The following SLC4A10 variants were observed in gnomAD, a reference collection of about 807,000 sequenced individuals.
SLC4A10 encodes solute carrier family 4 member 10, also known as sodium-driven chloride bicarbonate exchanger.
In SLC4A10, 42 loss-of-function variants were observed where a neutral mutation model predicts 137.7. The observed-to-expected ratio is 0.30, with a 90% CI of 0.24 to 0.39. SLC4A10 has a LOEUF of 0.39. Among genes scored for constraint, SLC4A10 ranks in the 10% least tolerant of loss-of-function variants. The pLI, the probability that SLC4A10 is intolerant of heterozygous loss-of-function variation, is 1.00. For missense variants in SLC4A10, 925 were observed against 1,355.0 expected (o/e 0.68, Z 4.98); for synonymous variants, 474 against 464.1 (o/e 1.02, Z -0.27).
intron 1 of SLC4A10, among the ~76,000 whole-genome samples, chr2:161,736,123 T>C (rs2047316433): frequency 6.6e-6 from 1 of 152,120 alleles, no homozygotes; most frequent in Non-Finnish European, 1.5e-5. Context: ...ATTAATTGGC[T>C]TTTAAATATA....
intron 1 of SLC4A10, among the ~76,000 whole-genome samples, chr2:161,636,954 C>G (rs1438684865): frequency 6.7e-6 from 1 of 150,294 alleles, no homozygotes; most frequent in Non-Finnish European, 1.5e-5. Flanking sequence ...TAGCCTCAGG[C>G]AATCCTCCTG....
chr2:161,976,784 A>G lies in SLC4A10; in HGVS notation c.3252A>G (p.Ile1084Met). Residue 1084 changes from isoleucine to methionine, a missense_variant, in exon 25 of 27, where the codon ATA (isoleucine) becomes ATG (methionine). By Grantham distance (10) the Ile-to-Met change is conservative. Around this residue, in one of 11 missense-constraint regions of SLC4A10, gnomAD observed 84 missense variants for 76.9 expected, o/e 1.09. Coordinates refer to ENST00000446997, the MANE Select transcript of SLC4A10 (RefSeq NM_001178015.2). ...HYRDDPSVINISDEMSKTALW... is the reference protein window; with the variant it reads ...HYRDDPSVINMSDEMSKTALW... Reference sequence around the variant, plus strand: ...GAGATGATCCATCTGTGATCAATATATCTGATGAAATGTCAAAGACTGCCT... The same window carrying G: ...GAGATGATCCATCTGTGATCAATATGTCTGATGAAATGTCAAAGACTGCCT... The G allele has an allele frequency of 6.3e-7, 1 of 1,596,572 alleles. No individual in the cohort carries two copies. The highest frequency in any genetic ancestry group is 8.5e-7 in the Non-Finnish European group (1 of 1,170,662).
At chr2:161,747,826 G>A (rs2048539305) in intron 1 of SLC4A10, among the ~76,000 whole-genome samples, 1 of 152,126 alleles carries the variant, frequency 6.6e-6, no homozygotes, top group African/African-American at 2.4e-5. Flanking sequence ...AGGGATTGAT[G>A]GATCATATGG....
At chr2:161,689,796 AG>A (rs1170857476) in intron 1 of SLC4A10, among the ~76,000 whole-genome samples, 2 of 152,184 alleles carry the variant, frequency 1.3e-5, no homozygotes, top group African/African-American at 2.4e-5. Flanking sequence ...TAAGCACAGC[AG>A]GCTCTTGGCA....
At chr2:161,851,722 G>C (rs1366859563) in intron 4 of SLC4A10, among the ~76,000 whole-genome samples, 1 of 152,056 alleles carries the variant, frequency 6.6e-6, no homozygotes, top group East Asian at 1.9e-4. Context: ...TTTTAAAAGT[G>C]AATTTGTTAT....
chr2:161,770,450 A>T (rs567834675), intron 1 of SLC4A10, among the ~76,000 whole-genome samples: 1 of 151,898 alleles, frequency 6.6e-6, no homozygotes, highest in Non-Finnish European at 1.5e-5. Flanking sequence ...AAAATGCATT[A>T]TACTGAAGCA....
intron 6 of SLC4A10, among the ~76,000 whole-genome samples, chr2:161,865,471 C>T (rs1358244706): frequency 2.0e-5 from 3 of 151,910 alleles, no homozygotes; most frequent in East Asian, 3.8e-4. Context: ...TCGAGGCATA[C>T]GTAAGGGCAA....
At chr2:161,820,993 A>G (rs2057571018) in intron 3 of SLC4A10, among the ~76,000 whole-genome samples, 1 of 152,192 alleles carries the variant, frequency 6.6e-6, no homozygotes, top group African/African-American at 2.4e-5. Flanking sequence ...TAAGGTATGT[A>G]ATTATATCTT....
At chr2:161,793,102 A>G (rs1383419929) in intron 2 of SLC4A10, among the ~76,000 whole-genome samples, 1 of 151,992 alleles carries the variant, frequency 6.6e-6, no homozygotes, top group Non-Finnish European at 1.5e-5. Flanking sequence ...TCTCGTTTAT[A>G]TTTTCTTCAA....
At chr2:161,701,953 T>C (rs915447028) in intron 1 of SLC4A10, among the ~76,000 whole-genome samples, 5 of 152,024 alleles carry the variant, frequency 3.3e-5, no homozygotes, top group Non-Finnish European at 7.4e-5. Flanking sequence ...ACACTGTAAG[T>C]AGAAATACAA....
At chr2:161,652,951 A>G (rs2037013452) in intron 1 of SLC4A10, among the ~76,000 whole-genome samples, 1 of 152,046 alleles carries the variant, frequency 6.6e-6, no homozygotes, top group South Asian at 2.1e-4. Context: ...TGCTGCATCC[A>G]TCAACCCATC....
At chr2:161,913,922 T>G (rs1686479837) in intron 15 of SLC4A10, among the ~76,000 whole-genome samples, 1 of 152,254 alleles carries the variant, frequency 6.6e-6, no homozygotes, top group African/African-American at 2.4e-5. Flanking sequence ...CTTGTTCATG[T>G]AAAATGTTGA....
At chr2:161,695,072 C>A (rs1003689214) in intron 1 of SLC4A10, among the ~76,000 whole-genome samples, 1 of 151,964 alleles carries the variant, frequency 6.6e-6, no homozygotes, top group Admixed American at 6.6e-5. Context: ...GTAATTACTT[C>A]TTTTCCTCCA....
rs114290010 is a variant in SLC4A10, at chr2:161,662,616, G to A, written c.48+38050G>A. The stretch of plus-strand genomic sequence containing the variant: ...TGTATGATTTGCTAGCCATGAGAAT[G>A]TCTGTATATTTAAAATTGAAACCAG... On this transcript the variant is annotated intron_variant, in intron 1 of 26. Coordinates refer to ENST00000446997, the MANE Select transcript of SLC4A10 (RefSeq NM_001178015.2). 1.4e-3 allele frequency among the ~76,000 whole-genome samples: 208 copies of A among 152,308 alleles called. 1 individual carries two copies. Among genetic ancestry groups the A allele is most frequent in the Middle Eastern group, 3.4e-3 (1 of 294 alleles).
At chr2:161,885,388 G>C (rs946943239) in intron 10 of SLC4A10, among the ~76,000 whole-genome samples, 1 of 152,062 alleles carries the variant, frequency 6.6e-6, no homozygotes, top group Non-Finnish European at 1.5e-5. Context: ...ATTCTTCCAA[G>C]TGCTCAAATA....
intron 2 of SLC4A10, among the ~76,000 whole-genome samples, chr2:161,779,005 A>G (rs2125461386): frequency 6.6e-6 from 1 of 152,082 alleles, no homozygotes; most frequent in African/African-American, 2.4e-5. Context: ...AAGTTTATTT[A>G]GGTCACAGTC....
At chr2:161,957,684 G>A (rs544064574) in intron 20 of SLC4A10, among the ~76,000 whole-genome samples, 59 of 152,260 alleles carry the variant, frequency 3.9e-4, no homozygotes, top group African/African-American at 5.8e-4. Flanking sequence ...CACATACGCA[G>A]TTTTCCATTT....
intron 3 of SLC4A10, among the ~76,000 whole-genome samples, chr2:161,825,389 T>C (rs1248107391): frequency 6.6e-6 from 1 of 152,198 alleles, no homozygotes; most frequent in East Asian, 1.9e-4. Flanking sequence ...CAAGTTAATG[T>C]CACACTCCTT....
intron 1 of SLC4A10, among the ~76,000 whole-genome samples, chr2:161,723,430 T>C (rs1488097638): frequency 6.6e-6 from 1 of 152,218 alleles, no homozygotes. Flanking sequence ...CAGGATTCAC[T>C]TGTTTTTGTT....
Sources: allele counts gnomAD v4.1 joint callset (sites outside exome capture counted in the v4.1 genomes callset), GRCh38; gene constraint gnomAD v4.1.1; regional missense constraint gnomAD v4.1.1; transcripts MANE v1.5; gene names NCBI Gene and HGNC (gene_info 2026-07-23, HGNC 2026-07-21).